UNC13C: variants seen among roughly 807,000 people sequenced by gnomAD.
The protein encoded by UNC13C is unc-13 homolog C.
A neutral mutation model predicts 245.4 loss-of-function variants in UNC13C; 174 were observed. The ratio of observed to expected loss-of-function variants is 0.71; its 90% CI spans 0.63 to 0.80. UNC13C has a LOEUF of 0.80. Ranked by LOEUF, UNC13C falls within the 30% of genes least tolerant of loss-of-function variation. UNC13C has a pLI of 0.00. For synonymous variants in UNC13C, 992 were observed against 895.1 expected, an observed-to-expected ratio of 1.11 and a Z score of -1.93; for missense variants, 2,829 against 2,602.9, an observed-to-expected ratio of 1.09 and a Z score of -1.89.
chr15:54,538,133 C>CAAAAAAAAA (rs56041311), intron 26 of UNC13C, among the ~76,000 whole-genome samples: 15 of 10,248 alleles, frequency 1.5e-3, no homozygotes, highest in Non-Finnish European at 2.7e-3. Context: ...CATTAACAAG[C>CAAAAAAAAA]AAAAAAAAAA....
At chr15:54,352,377 T>G (rs2140845206) in intron 17 of UNC13C, among the ~76,000 whole-genome samples, 1 of 148,672 alleles carries the variant, frequency 6.7e-6, no homozygotes, top group South Asian at 2.1e-4. Flanking sequence ...GTGAGTCAGG[T>G]TATCCTCTCT....
chr15:53,934,669 G>A, the UNC13C span, among the ~76,000 whole-genome samples: 1 of 152,126 alleles, frequency 6.6e-6, no homozygotes, highest in African/African-American at 2.4e-5. Flanking sequence ...CCATAGAATA[G>A]GTGCTTATGA....
At chr15:53,840,372 T>C in the UNC13C span, among the ~76,000 whole-genome samples, 1 of 152,128 alleles carries the variant, frequency 6.6e-6, no homozygotes, top group Non-Finnish European at 1.5e-5. Context: ...CTCAGTAATT[T>C]ACTGAGCGCT....
the UNC13C span, among the ~76,000 whole-genome samples, chr15:53,929,423 A>C: frequency 6.6e-6 from 1 of 152,166 alleles, no homozygotes; most frequent in African/African-American, 2.4e-5. Flanking sequence ...ATATCACCAG[A>C]GACTTTTTTG....
chr15:54,373,268 G>A (rs888549167), intron 17 of UNC13C, among the ~76,000 whole-genome samples: 1 of 152,174 alleles, frequency 6.6e-6, no homozygotes, highest in Non-Finnish European at 1.5e-5. Flanking sequence ...TGGGAGTGTT[G>A]CTTCATTAGC....
At chr15:54,473,777 C>T (rs1016061974) in intron 19 of UNC13C, among the ~76,000 whole-genome samples, 1 of 151,106 alleles carries the variant, frequency 6.6e-6, no homozygotes, top group Non-Finnish European at 1.5e-5. Flanking sequence ...GATACAAGTG[C>T]ATTTTGTTAC....
chr15:54,295,485 C>A (rs1333400509), intron 11 of UNC13C, among the ~76,000 whole-genome samples: 2 of 151,724 alleles, frequency 1.3e-5, no homozygotes, highest in African/African-American at 4.8e-5. Flanking sequence ...CCATCTCTAC[C>A]AAAAATTTAA....
At chr15:54,381,482 C>T (rs932284905) in intron 17 of UNC13C, among the ~76,000 whole-genome samples, 9 of 151,978 alleles carry the variant, frequency 5.9e-5, no homozygotes, top group Non-Finnish European at 4.4e-5. Flanking sequence ...TTCTCAATTT[C>T]TGTGAAGAAT....
At chr15:54,362,059 T>C (rs758556089) in intron 17 of UNC13C, among the ~76,000 whole-genome samples, 4 of 152,234 alleles carry the variant, frequency 2.6e-5, no homozygotes, top group Non-Finnish European at 5.9e-5. Flanking sequence ...TTGTACCTAC[T>C]GTAGCTCTAT....
At chr15:54,407,844 C>A (rs911466879) in intron 18 of UNC13C, among the ~76,000 whole-genome samples, 7 of 151,814 alleles carry the variant, frequency 4.6e-5, no homozygotes, top group African/African-American at 1.7e-4. Context: ...CTAATACCAA[C>A]AAAAAAGAAA....
chr15:54,568,310 T>C (rs1897604822), intron 30 of UNC13C, among the ~76,000 whole-genome samples: 1 of 152,098 alleles, frequency 6.6e-6, no homozygotes, highest in Non-Finnish European at 1.5e-5. Context: ...TCTTGGTATC[T>C]TCCAAAAAAT....
At position 54,623,874 on chromosome 15, in the gene UNC13C, C is replaced by T. The variant is rs1323057523; in HGVS notation, c.6279C>T (p.Asn2093=). The T allele has an allele frequency of 6.2e-7, 1 of 1,613,190 alleles. No individual in the cohort carries two copies. Among genetic ancestry groups the T allele is most frequent in the Admixed American group, 1.7e-5 (1 of 59,870 alleles). Residue 2093 remains asparagine (N), a synonymous_variant, in exon 32 of 33, where the codon AAC becomes AAT. Transcript: ENST00000260323. The part of the protein sequence containing the change: ...PFVEVCILGP[N]LGDKKRKQGT... ...TGGAAGTTTGTATACTGGGACCCAA[C>T]CTTGGAGACAAGAAGAGAAAACAAG...
rs1471003921 is a variant in UNC13C, at chr15:54,563,117, C to G, written c.5959-4683C>G. ...TATTGATATGTATTATGAATTCTGG[C>G]TTTTTACTTTCCTCTTTGCCATCTC... On this transcript the variant is annotated intron_variant, in intron 29 of 32. Coordinates refer to ENST00000260323, the MANE Select transcript of UNC13C (RefSeq NM_001080534.3). Among the ~76,000 whole-genome samples, 11 of 151,980 alleles carry G rather than the reference C, an allele frequency of 7.2e-5. No individual in the cohort carries two copies. In the East Asian group the frequency reaches 1.9e-3, roughly 27 times the overall value.
the UNC13C span, among the ~76,000 whole-genome samples, chr15:53,901,558 T>TTA: frequency 6.6e-6 from 1 of 152,124 alleles, no homozygotes; most frequent in African/African-American, 2.4e-5. Context: ...GTGCCATAAT[T>TTA]TATTTAGTCC....
intron 22 of UNC13C, among the ~76,000 whole-genome samples, chr15:54,505,885 C>T (rs1894453041): frequency 6.6e-6 from 1 of 151,946 alleles, no homozygotes; most frequent in South Asian, 2.1e-4. Context: ...TGTGAGATCC[C>T]AGGATTCCTT....
At chr15:53,879,628 G>A in the UNC13C span, among the ~76,000 whole-genome samples, 2 of 151,564 alleles carry the variant, frequency 1.3e-5, no homozygotes, top group East Asian at 1.9e-4. Flanking sequence ...TCGCTCTGTC[G>A]CCCAGGCTGG....
In UNC13C at chr15:54,098,221, C is replaced by T. The variant is rs796822636; in HGVS notation, c.2984-44797C>T. Among the ~76,000 whole-genome samples the T allele has an allele frequency of 1.5e-4, 23 of 152,220 alleles. 1 individual carries two copies. The highest frequency in any genetic ancestry group is 5.5e-4 in the African/African-American group (23 of 41,526). On this transcript the variant is annotated intron_variant, in intron 2 of 32. Coordinates refer to ENST00000260323, the MANE Select transcript of UNC13C (RefSeq NM_001080534.3). ...ATGGAGTCTTGCTGTGTTGCCCAGGCTGGAATGCTCTGTGGTGATGTTGGC... is the reference window on the plus strand; with the variant it reads ...ATGGAGTCTTGCTGTGTTGCCCAGGTTGGAATGCTCTGTGGTGATGTTGGC...
At chr15:54,546,060 G>A (rs936601709) in intron 26 of UNC13C, among the ~76,000 whole-genome samples, 2 of 152,052 alleles carry the variant, frequency 1.3e-5, no homozygotes, top group African/African-American at 4.8e-5. Flanking sequence ...TCAAAACTTG[G>A]AACCAACCCA....
At chr15:54,458,016 G>A (rs761205242) in intron 19 of UNC13C, among the ~76,000 whole-genome samples, 1 of 150,424 alleles carries the variant, frequency 6.6e-6, no homozygotes, top group Non-Finnish European at 1.5e-5. Flanking sequence ...TTTAGATGTA[G>A]GCATTTAAGC....
Sources: allele counts gnomAD v4.1 joint callset (sites outside exome capture counted in the v4.1 genomes callset), GRCh38; gene constraint gnomAD v4.1.1; transcripts MANE v1.5; gene names NCBI Gene and HGNC (gene_info 2026-07-23, HGNC 2026-07-21).